EHBP1: variants seen among roughly 807,000 people sequenced by gnomAD.
The protein encoded by EHBP1 is EH domain binding protein 1.
A neutral mutation model predicts 144.0 loss-of-function variants in EHBP1; 55 were observed. The observed-to-expected ratio is 0.38, with a 90% CI of 0.31 to 0.48. EHBP1 has a LOEUF of 0.48. Among genes scored for constraint, EHBP1 ranks in the 20% least tolerant of loss-of-function variants. The pLI is 0.98. For missense variants in EHBP1, 1,200 were observed against 1,364.2 expected (o/e 0.88, Z 1.90); for synonymous variants, 469 against 472.7 (o/e 0.99, Z 0.10).
chr2:63,031,400 T>C (rs2061242475), intron 19 of EHBP1, among the ~76,000 whole-genome samples: 1 of 152,210 alleles, frequency 6.6e-6, no homozygotes, highest in South Asian at 2.1e-4. Context: ...TCCAGTAGAA[T>C]TATGCCTGTA....
chr2:62,798,246 TA>T (rs1158477473), intron 5 of EHBP1, among the ~76,000 whole-genome samples: 1 of 152,110 alleles, frequency 6.6e-6, no homozygotes, highest in Non-Finnish European at 1.5e-5. Context: ...CGCATGCCTT[TA>T]ATCCCAACTG....
At chr2:62,935,057 C>T (rs959797149) in intron 10 of EHBP1, among the ~76,000 whole-genome samples, 4 of 151,988 alleles carry the variant, frequency 2.6e-5, no homozygotes, top group African/African-American at 7.2e-5. Context: ...TGGCCGGGCA[C>T]GGTGGCTCAT....
chr2:62,981,209 A>G (rs1190189474), intron 15 of EHBP1, among the ~76,000 whole-genome samples: 4 of 152,092 alleles, frequency 2.6e-5, no homozygotes, highest in Admixed American at 1.3e-4. Flanking sequence ...GCACAGCTAC[A>G]TTTGTGTAAT....
chr2:62,943,024 T>G (rs2056852186), intron 11 of EHBP1, 128 bp downstream of exon 11: 3 of 686,716 alleles, frequency 4.4e-6, no homozygotes, highest in Non-Finnish European at 7.0e-6. Context: ...CTCTTGCTTT[T>G]GAGAGATATA....
At chr2:62,808,435 T>C (rs1442693426) in intron 5 of EHBP1, among the ~76,000 whole-genome samples, 1 of 152,124 alleles carries the variant, frequency 6.6e-6, no homozygotes, top group Non-Finnish European at 1.5e-5. Flanking sequence ...GCATTCTTAA[T>C]TTCTGTTATA....
chr2:62,930,859 A>G (rs142750667), intron 10 of EHBP1, among the ~76,000 whole-genome samples: 1 of 152,302 alleles, frequency 6.6e-6, no homozygotes, highest in African/African-American at 2.4e-5. Context: ...ACCTAACACC[A>G]TATACAAAAA....
intron 5 of EHBP1, among the ~76,000 whole-genome samples, chr2:62,815,851 C>T (rs1443524189): frequency 6.6e-6 from 1 of 152,114 alleles, no homozygotes; most frequent in Non-Finnish European, 1.5e-5. Flanking sequence ...TGCAGTGTGT[C>T]AATATCTGCA....
chr2:62,906,488 T>C (rs990478519), intron 10 of EHBP1, among the ~76,000 whole-genome samples: 2 of 152,238 alleles, frequency 1.3e-5, no homozygotes, highest in East Asian at 1.9e-4. Flanking sequence ...CTGGGATGCA[T>C]TGGATGTATA....
intron 7 of EHBP1, among the ~76,000 whole-genome samples, chr2:62,838,947 T>C (rs1315073377): frequency 1.0e-4 from 14 of 135,682 alleles, no homozygotes; most frequent in Admixed American, 2.3e-4. Context: ...TCTGAAACTA[T>C]TCCAATCAAT....
chr2:62,991,236 C>A (rs1241328975), intron 16 of EHBP1, among the ~76,000 whole-genome samples: 13 of 143,734 alleles, frequency 9.0e-5, no homozygotes, highest in South Asian at 4.4e-4. Context: ...CAGGGTGAGA[C>A]CTTGTCTAAA....
chr2:62,896,195 G>A (rs1229079954), intron 10 of EHBP1, among the ~76,000 whole-genome samples: 1 of 152,156 alleles, frequency 6.6e-6, no homozygotes, highest in Admixed American at 6.5e-5. Flanking sequence ...ATAATAAGGA[G>A]ACAACAGTAA....
intron 7 of EHBP1, 34 bp downstream of exon 7, chr2:62,831,192 CTT>C (rs2046801800): frequency 6.4e-7 from 1 of 1,558,894 alleles, no homozygotes; most frequent in African/African-American, 1.4e-5. Flanking sequence ...AAAAGTTTAT[CTT>C]TTGTTGCAGA....
At chr2:62,973,497 C>T (rs2058582279) in intron 14 of EHBP1, among the ~76,000 whole-genome samples, 1 of 152,140 alleles carries the variant, frequency 6.6e-6, no homozygotes, top group African/African-American at 2.4e-5. Flanking sequence ...GAGCTGAACA[C>T]CTGGCTCTGA....
intron 10 of EHBP1, among the ~76,000 whole-genome samples, chr2:62,906,152 C>CTTTTTTTTT (rs769180078): frequency 1.5e-5 from 2 of 135,084 alleles, no homozygotes; most frequent in Non-Finnish European, 3.3e-5. Flanking sequence ...GTTATTTTGT[C>CTTTTTTTTT]TTTTTTTTTT....
intron 10 of EHBP1, among the ~76,000 whole-genome samples, chr2:62,925,884 A>G (rs1458836425): frequency 2.0e-5 from 3 of 152,182 alleles, no homozygotes; most frequent in South Asian, 2.1e-4. Context: ...TACATTCTTC[A>G]CAGAAATAGA....
intron 1 of EHBP1, among the ~76,000 whole-genome samples, chr2:62,690,898 A>G (rs932349608): frequency 1.3e-5 from 2 of 152,218 alleles, no homozygotes; most frequent in Admixed American, 1.3e-4. Flanking sequence ...ATCTTAGCTG[A>G]TATGAAAATG....
chr2:63,035,150 A>G (rs888620899), intron 19 of EHBP1, among the ~76,000 whole-genome samples: 1 of 152,084 alleles, frequency 6.6e-6, no homozygotes, highest in South Asian at 2.1e-4. Flanking sequence ...AAAAAATTTG[A>G]GAGCCCTGAA....
chr2:62,934,045 T>A (rs941161181), intron 10 of EHBP1, among the ~76,000 whole-genome samples: 1 of 152,222 alleles, frequency 6.6e-6, no homozygotes, highest in Non-Finnish European at 1.5e-5. Context: ...TTTTTGCATA[T>A]GTATTCTATT....
chr2:62,741,480 T>TA (rs1435956299), intron 2 of EHBP1, among the ~76,000 whole-genome samples: 3 of 152,232 alleles, frequency 2.0e-5, no homozygotes, highest in Non-Finnish European at 4.4e-5. Context: ...TTGCCTCATA[T>TA]TCTTTACCCT....
Sources: gnomAD v4.1 joint callset for allele counts (sites outside exome capture counted in the v4.1 genomes callset) on GRCh38, gnomAD v4.1.1 for gene constraint, MANE v1.5 for transcripts, NCBI Gene and HGNC (gene_info 2026-07-23, HGNC 2026-07-21) for gene names.